The following OPCML variants were observed in gnomAD, a reference collection of about 807,000 sequenced individuals.
OPCML encodes the protein opioid-binding protein/cell adhesion molecule.
A neutral mutation model predicts 37.8 loss-of-function variants in OPCML; 13 were observed. That is an observed-to-expected ratio of 0.34 (90% CI 0.22 to 0.55). OPCML has a LOEUF of 0.55. Among genes scored for constraint, OPCML ranks in the 20% least tolerant of loss-of-function variants. OPCML has a pLI of 0.91. For missense variants in OPCML, 341 were observed against 435.6 expected, an observed-to-expected ratio of 0.78 and a Z score of 1.93; for synonymous variants, 176 against 168.8, an observed-to-expected ratio of 1.04 and a Z score of -0.33.
At chr11:133,491,694 T>C (rs1456175003) in intron 1 of OPCML, among the ~76,000 whole-genome samples, 1 of 152,186 alleles carries the variant, frequency 6.6e-6, no homozygotes, top group Non-Finnish European at 1.5e-5. Context: ...AATCTTCTCG[T>C]TGATCCCTTT....
At chr11:133,289,318 G>A (rs908982260) in intron 1 of OPCML, among the ~76,000 whole-genome samples, 1 of 152,096 alleles carries the variant, frequency 6.6e-6, no homozygotes, top group African/African-American at 2.4e-5. Context: ...ATTAGTGGCC[G>A]GGCGCGGTGG....
chr11:132,483,568 T>G (rs61908189), intron 4 of OPCML, among the ~76,000 whole-genome samples: 69,273 of 151,824 alleles, frequency 0.46, 16,183 homozygotes, highest in East Asian at 0.74. Context: ...AAAAACTACT[T>G]TAAAGTTCAT....
At chr11:133,015,700 C>T (rs896717640) in intron 1 of OPCML, among the ~76,000 whole-genome samples, 1 of 152,202 alleles carries the variant, frequency 6.6e-6, no homozygotes, top group African/African-American at 2.4e-5. Context: ...CTTCCACATA[C>T]TGACTGTTGC....
chr11:132,969,740 T>C (rs1286910269), intron 1 of OPCML, among the ~76,000 whole-genome samples: 2 of 152,224 alleles, frequency 1.3e-5, no homozygotes, highest in African/African-American at 4.8e-5. Context: ...ATTTTTCAAA[T>C]ACAGAATTTA....
intron 2 of OPCML, among the ~76,000 whole-genome samples, chr11:132,749,307 C>T (rs747511506): frequency 3.3e-5 from 5 of 152,162 alleles, no homozygotes; most frequent in Non-Finnish European, 7.3e-5. Context: ...CAGGAACAAA[C>T]TATGACAGGC....
At chr11:132,862,741 C>T (rs1215120655) in intron 2 of OPCML, among the ~76,000 whole-genome samples, 1 of 152,190 alleles carries the variant, frequency 6.6e-6, no homozygotes, top group Non-Finnish European at 1.5e-5. Context: ...TCTGCGCTAG[C>T]CTTCCCTTGC....
chr11:132,643,745 T>C lies in OPCML; in HGVS notation c.379+13342A>G, dbSNP rs1163120129. 2.0e-5 allele frequency among the ~76,000 whole-genome samples: 3 copies of C among 152,190 alleles called. No homozygotes were observed. The East Asian group carries it at 5.8e-4, about 29-fold the overall frequency. On this transcript the variant is annotated intron_variant, in intron 3 of 7. Transcript: ENST00000524381. ...ACCAGGGCTAACTCAGACTCTTTTA[T>C]TAAGGGGAACATCCAGTGTCAAACT...
intron 1 of OPCML, among the ~76,000 whole-genome samples, chr11:133,165,211 G>C (rs1950193392): frequency 6.6e-6 from 1 of 152,198 alleles, no homozygotes; most frequent in Non-Finnish European, 1.5e-5. Context: ...CTTGGTGTAG[G>C]CAGATGGTCT....
chr11:132,761,500 C>A (rs189882405), intron 2 of OPCML, among the ~76,000 whole-genome samples: 124 of 151,904 alleles, frequency 8.2e-4, no homozygotes, highest in African/African-American at 2.9e-3. Context: ...AGGCTTTGTT[C>A]ATTCCTTTTT....
intron 2 of OPCML, among the ~76,000 whole-genome samples, chr11:132,706,471 T>C (rs1468208183): frequency 6.6e-6 from 1 of 152,222 alleles, no homozygotes; most frequent in Non-Finnish European, 1.5e-5. Flanking sequence ...GTAGAGATTT[T>C]TTAATGCTAC....
chr11:133,093,835 T>C (rs1948954359), intron 1 of OPCML, among the ~76,000 whole-genome samples: 1 of 152,124 alleles, frequency 6.6e-6, no homozygotes, highest in East Asian at 1.9e-4. Flanking sequence ...GGCAGCACGA[T>C]GCAAATGTCA....
intron 3 of OPCML, among the ~76,000 whole-genome samples, chr11:132,564,677 T>G (rs764581104): frequency 6.6e-6 from 1 of 152,108 alleles, no homozygotes; most frequent in African/African-American, 2.4e-5. Flanking sequence ...ACACTGCTCC[T>G]AAGGGAGTGT....
intron 4 of OPCML, among the ~76,000 whole-genome samples, chr11:132,484,620 T>G (rs2137036218): frequency 6.6e-6 from 1 of 152,276 alleles, no homozygotes; most frequent in South Asian, 2.1e-4. Flanking sequence ...CATGCACACC[T>G]ATGTTTATTG....
intron 1 of OPCML, among the ~76,000 whole-genome samples, chr11:133,043,120 A>G (rs974514497): frequency 3.3e-5 from 5 of 152,018 alleles, no homozygotes; most frequent in African/African-American, 9.7e-5. Context: ...CAAACCACAC[A>G]TGGATTCCCT....
intron 1 of OPCML, among the ~76,000 whole-genome samples, chr11:133,326,974 G>A (rs1246544576): frequency 2.1e-5 from 3 of 142,702 alleles, no homozygotes; most frequent in African/African-American, 7.8e-5. Flanking sequence ...GGTATGTGGT[G>A]GTGTGTGTAT....
At position 132,509,986 on chromosome 11, in the gene OPCML, G is replaced by A. The variant is rs895135887; in HGVS notation, c.505+19075C>T. ...AACCACAGATACTCAATGCCTGCTC[G>A]TGAAAGCAGTTGGGAGGGAAGCTGT... is the stretch of plus-strand genomic sequence containing the variant. On this transcript the variant is annotated intron_variant, in intron 4 of 7. Coordinates refer to ENST00000524381, the MANE Select transcript of OPCML (RefSeq NM_001012393.5). 1.8e-4 allele frequency among the ~76,000 whole-genome samples: 27 copies of A among 152,294 alleles called. No individual in the cohort carries two copies. In the East Asian group the frequency reaches 2.1e-3, roughly 12 times the overall value.
At chr11:132,538,976 A>T (rs917915156) in intron 3 of OPCML, among the ~76,000 whole-genome samples, 6 of 152,204 alleles carry the variant, frequency 3.9e-5, no homozygotes, top group Non-Finnish European at 7.3e-5. Context: ...CAGTTCCCTC[A>T]TTCTACAGAT....
intron 1 of OPCML, among the ~76,000 whole-genome samples, chr11:133,318,112 T>A (rs1273829131): frequency 4.6e-5 from 7 of 152,230 alleles, no homozygotes; most frequent in African/African-American, 1.2e-4. Context: ...ACTGGCATTG[T>A]GGCCAGCACT....
At chr11:133,024,686 T>C in intron 1 of OPCML, 2 of 827,902 alleles carry the variant, frequency 2.4e-6, no homozygotes, top group Non-Finnish European at 1.5e-6. Flanking sequence ...TCTATGAAAG[T>C]GGTGGGGGAT....
Sources: allele counts gnomAD v4.1 joint callset (sites outside exome capture counted in the v4.1 genomes callset), GRCh38; gene constraint gnomAD v4.1.1; transcripts MANE v1.5; gene names NCBI Gene and HGNC (gene_info 2026-07-23, HGNC 2026-07-21).